CHST12: variants seen among roughly 807,000 people sequenced by gnomAD.
CHST12 encodes carbohydrate (chondroitin 4) sulfotransferase 12.
A neutral mutation model predicts 27.9 loss-of-function variants in CHST12; 23 were observed. That is an observed-to-expected ratio of 0.82 (90% CI 0.59 to 1.17). The LOEUF (loss-of-function observed/expected upper bound fraction) is 1.17. Among genes scored for constraint, CHST12 ranks in the 50% most tolerant of loss-of-function variants. The pLI is 0.00. For synonymous variants in CHST12, 322 were observed against 273.0 expected (o/e 1.18, Z -1.77); for missense variants, 682 against 603.0 (o/e 1.13, Z -1.37).
intron 1 of CHST12, among the ~76,000 whole-genome samples, chr7:2,408,145 G>C (rs141685697): frequency 6.6e-6 from 1 of 151,244 alleles, no homozygotes; most frequent in Non-Finnish European, 1.5e-5. Context: ...CGAGGTGGAC[G>C]GATCACTTGA....
intron 1 of CHST12, among the ~76,000 whole-genome samples, chr7:2,423,029 A>G (rs1468575966): frequency 6.6e-6 from 1 of 152,014 alleles, no homozygotes; most frequent in African/African-American, 2.4e-5. Context: ...TCATTCCAGC[A>G]CTTTGGGAGG....
chr7:2,416,313 G>T (rs1583212715), intron 1 of CHST12, among the ~76,000 whole-genome samples: 1 of 152,230 alleles, frequency 6.6e-6, no homozygotes. Context: ...TTCCTGCACC[G>T]GAGTCTTGAA....
chr7:2,414,139 T>G (rs998521741), intron 1 of CHST12, among the ~76,000 whole-genome samples: 2 of 152,186 alleles, frequency 1.3e-5, no homozygotes, highest in African/African-American at 4.8e-5. Context: ...TGTTCAAATT[T>G]TTTGCTTATT....
At chr7:2,423,149 TGTG>T (rs1200933718) in intron 1 of CHST12, among the ~76,000 whole-genome samples, 2 of 151,912 alleles carry the variant, frequency 1.3e-5, no homozygotes, top group African/African-American at 2.4e-5. Flanking sequence ...GGTGCGTGCC[TGTG>T]GTCCCAGCTA....
Position 2,432,902 on chromosome 7 carries a change from C to G in CHST12, c.263C>G (p.Thr88Arg), listed in dbSNP as rs769324562. Residue 88 changes from threonine (T) to arginine (R), a missense_variant, in exon 2 of 2, where the codon ACG becomes AGG. By Grantham distance (71) the Thr-to-Arg change is moderately conservative. Transcript: ENST00000618655. ...CAGAGCGACCTTCCCAGAAAGGAGA[C>G]GGAGCAGCCGCCTGCGCCGGGGAGC... ...VKQSDLPRKE[T>R]EQPPAPGSME... The G allele has an allele frequency of 5.0e-6, 8 of 1,613,256 alleles. No individual in the cohort carries two copies. The highest frequency in any genetic ancestry group is 5.9e-6 in the Non-Finnish European group (7 of 1,179,844).
At chr7:2,411,916 T>G (rs1347135102) in intron 1 of CHST12, among the ~76,000 whole-genome samples, 2 of 152,236 alleles carry the variant, frequency 1.3e-5, no homozygotes, top group Non-Finnish European at 2.9e-5. Flanking sequence ...CCCTGTCTTC[T>G]AAGAACTTGA....
chr7:2,411,267 A>C (rs1781657195), intron 1 of CHST12, among the ~76,000 whole-genome samples: 1 of 151,918 alleles, frequency 6.6e-6, no homozygotes, highest in Non-Finnish European at 1.5e-5. Context: ...ATTTTTGTAC[A>C]GATGGCTTCT....
At chr7:2,420,151 T>C (rs1781930657) in intron 1 of CHST12, among the ~76,000 whole-genome samples, 1 of 151,728 alleles carries the variant, frequency 6.6e-6, no homozygotes, top group Non-Finnish European at 1.5e-5. Flanking sequence ...TTTTTTGTAT[T>C]TTTAGTAGAG....
At chr7:2,407,263 T>C (rs949244887) in intron 1 of CHST12, among the ~76,000 whole-genome samples, 3 of 151,698 alleles carry the variant, frequency 2.0e-5, no homozygotes, top group African/African-American at 7.3e-5. Flanking sequence ...CTGGGCAACA[T>C]AGCAAGACCC....
rs1054717340 is a variant in CHST12, at chr7:2,448,311, A to T, written c.*14427A>T. On this transcript the variant is annotated 3_prime_UTR_variant, in exon 2 of 2. Transcript: ENST00000618655. ...TTGAATGGCGGGCTCCCTCTCCCAT[A>T]GCCCCTGCCAGGCTGGATAACCAAC... The T allele has an allele frequency of 9.2e-5, 14 of 152,190 alleles. No individual in the cohort carries two copies. Among genetic ancestry groups the T allele is most frequent in the African/African-American group, 3.4e-4 (14 of 41,428 alleles). The allele number at this position is 152,190 out of a possible 1,614,324, so 9.4% of individuals were successfully genotyped here.
rs749164014 is a variant in CHST12 at position 2,448,346 on chromosome 7, A to C, written c.*14462A>C. On this transcript the variant is annotated 3_prime_UTR_variant, in exon 2 of 2. Coordinates refer to ENST00000618655, the MANE Select transcript of CHST12 (RefSeq NM_018641.5). ...AGGCTGGATAACCAACTTCATTCTT[A>C]TACCCGTCCGAATCTGCCCCCTGTT... 1.3e-5 allele frequency: 2 copies of C among 152,216 alleles called. No homozygotes were observed. Among genetic ancestry groups the C allele is most frequent in the Non-Finnish European group, 2.9e-5 (2 of 68,152 alleles). 9.4% of individuals were successfully genotyped at this position (152,216 alleles called of 1,614,324 possible). A position where few individuals can be genotyped will look rare whatever the true frequency, so the allele number is the denominator to read the frequency against.
chr7:2,423,757 C>G (rs1053626584), intron 1 of CHST12, among the ~76,000 whole-genome samples: 1 of 152,196 alleles, frequency 6.6e-6, no homozygotes, highest in Non-Finnish European at 1.5e-5. Flanking sequence ...GAGCTTTTTA[C>G]TGTGATTTAC....
At position 2,434,285 on chromosome 7, in the gene CHST12, C is replaced by G. The variant is rs1055822029; in HGVS notation, c.*401C>G. 3 of 177,386 alleles carry G rather than the reference C, an allele frequency of 1.7e-5. No homozygotes were observed. The East Asian group carries it at 5.4e-4, about 32-fold the overall frequency. The allele number at this position is 177,386 out of a possible 1,614,324, so 11.0% of individuals were successfully genotyped here. A position where few individuals can be genotyped will look rare whatever the true frequency, so the allele number is the denominator to read the frequency against. On this transcript the variant is annotated 3_prime_UTR_variant, in exon 2 of 2. Coordinates refer to ENST00000618655, the MANE Select transcript of CHST12 (RefSeq NM_018641.5). ...CACCTGTCTGTTTTTGGAAGGGTAG[C>G]CGACAAATCCTTCCAGAGGGAAAGT... is the stretch of plus-strand genomic sequence containing the variant.
At chr7:2,427,814 C>T (rs1464497512) in intron 1 of CHST12, among the ~76,000 whole-genome samples, 1 of 151,970 alleles carries the variant, frequency 6.6e-6, no homozygotes, top group Admixed American at 6.6e-5. Context: ...GCCGTGACTC[C>T]TTTTTGTTTG....
Position 2,444,171 on chromosome 7 carries a change from CT to C in CHST12, c.*10288del. On this transcript the variant is annotated 3_prime_UTR_variant, in exon 2 of 2. Coordinates refer to ENST00000618655, the MANE Select transcript of CHST12 (RefSeq NM_018641.5). ...TAGTGGCGGGCGCCTGTAGTCCCAG[CT>C]ACTTGGGAGGCTGAGGCAGGAGAAT... 6.7e-6 allele frequency: 1 copy of C among 148,372 alleles called. No individual in the cohort carries two copies. The highest frequency in any genetic ancestry group is 1.5e-5 in the Non-Finnish European group (1 of 66,900). The allele number at this position is 148,372 out of a possible 1,614,324, so 9.2% of individuals were successfully genotyped here. A position where few individuals can be genotyped will look rare whatever the true frequency, so the allele number is the denominator to read the frequency against.
At chr7:2,431,458 G>C (rs1256373005) in intron 1 of CHST12, among the ~76,000 whole-genome samples, 1 of 152,230 alleles carries the variant, frequency 6.6e-6, no homozygotes, top group African/African-American at 2.4e-5. Flanking sequence ...TTGGAGTTCA[G>C]CTCCTACTGG....
rs1173804500 is a variant in CHST12 at position 2,444,216 on chromosome 7, G to A, written c.*10332G>A. ...GGAGAATGGCGTGAACCCGGGAGGC[G>A]GAGCTTGCAGTGAGCCGAGATCCCG... On this transcript the variant is annotated 3_prime_UTR_variant, in exon 2 of 2. Coordinates refer to ENST00000618655, the MANE Select transcript of CHST12 (RefSeq NM_018641.5). 2.0e-5 allele frequency: 3 copies of A among 147,364 alleles called. No homozygotes were observed. The highest frequency in any genetic ancestry group is 5.0e-5 in the African/African-American group (2 of 39,870). 9.1% of individuals were successfully genotyped at this position (147,364 alleles called of 1,614,324 possible).
chr7:2,440,269 T>A lies in CHST12; in HGVS notation c.*6385T>A, dbSNP rs1782568571. ...TTGACAGTGATAAACGAACACAGCC[T>A]ATCTGGGTGTTTTTTGCACTTATAG... On this transcript the variant is annotated 3_prime_UTR_variant, in exon 2 of 2. Transcript: ENST00000618655. 1 of 154,446 alleles carries A rather than the reference T, an allele frequency of 6.5e-6. No individual in the cohort carries two copies. The highest frequency in any genetic ancestry group is 1.5e-5 in the Non-Finnish European group (1 of 68,238). 9.6% of individuals were successfully genotyped at this position (154,446 alleles called of 1,614,324 possible).
rs906089439 is a variant in CHST12, at chr7:2,441,754, G to C, written c.*7870G>C. On this transcript the variant is annotated 3_prime_UTR_variant, in exon 2 of 2. Coordinates refer to ENST00000618655, the MANE Select transcript of CHST12 (RefSeq NM_018641.5). ...CATTAGAAGGCCATCCTGTTTAGAA[G>C]AGTGGGTTTCTCATAAGAAAAAAAA... 2.7e-5 allele frequency: 4 copies of C among 150,578 alleles called. No homozygotes were observed. The highest frequency in any genetic ancestry group is 5.9e-5 in the Non-Finnish European group (4 of 67,730). The allele number at this position is 150,578 out of a possible 1,614,324, so 9.3% of individuals were successfully genotyped here.
Sources: allele counts gnomAD v4.1 joint callset (sites outside exome capture counted in the v4.1 genomes callset), GRCh38; gene constraint gnomAD v4.1.1; transcripts MANE v1.5; gene names NCBI Gene and HGNC (gene_info 2026-07-23, HGNC 2026-07-21).